Variants in SYNPO observed in about 807,000 individuals in gnomAD.
SYNPO encodes the protein synaptopodin.
SYNPO carries 19 observed loss-of-function variants against 49.5 expected under a neutral mutation model. The observed-to-expected ratio is 0.38, with a 90% CI of 0.27 to 0.56. SYNPO has a LOEUF of 0.56. Ranked by LOEUF, SYNPO falls within the 20% of genes least tolerant of loss-of-function variation. The probability of loss-of-function intolerance (pLI) is 0.68; values close to 1 mark genes in which losing one functional copy is unlikely to be tolerated. For synonymous variants in SYNPO, 536 were observed against 548.0 expected, an observed-to-expected ratio of 0.98 and a Z score of 0.31; for missense variants, 1,131 against 1,248.3, an observed-to-expected ratio of 0.91 and a Z score of 1.42.
chr5:150,618,547 G>C, exon 2 of SYNPO: 3 of 1,550,626 alleles, frequency 1.9e-6, no homozygotes, highest in Non-Finnish European at 2.6e-6. Context: ...AGGATGAGGG[G>C]GTCAGCAGGA....
upstream of SYNPO, among the ~76,000 whole-genome samples, chr5:150,639,787 TG>T (rs1452393990): frequency 6.6e-6 from 1 of 152,200 alleles, no homozygotes; most frequent in East Asian, 1.9e-4. Context: ...CAAGTGCCAA[TG>T]GAAGATGTGG....
chr5:150,641,488 A>C (rs1757905186), intron 1 of SYNPO, among the ~76,000 whole-genome samples: 2 of 152,058 alleles, frequency 1.3e-5, no homozygotes. Flanking sequence ...TCGTGTGAAG[A>C]AGCATTTCCT....
At chr5:150,643,175 C>T (rs1757969283) in intron 1 of SYNPO, among the ~76,000 whole-genome samples, 1 of 152,202 alleles carries the variant, frequency 6.6e-6, no homozygotes, top group South Asian at 2.1e-4. Flanking sequence ...GGGAACCGGC[C>T]AGCCAGGAGC....
In SYNPO at chr5:150,657,390, A is replaced by C. The variant is rs1581525808; in HGVS notation, c.*303A>C. On this transcript the variant is annotated 3_prime_UTR_variant, in exon 3 of 3. Transcript: ENST00000307662. The stretch of plus-strand genomic sequence containing the variant: ...AAAATTCCCCTTCCCATCAGTACAC[A>C]CACCGATGCACACACACTCTCTCTT... 4.6e-6 allele frequency: 2 copies of C among 437,470 alleles called. No individual in the cohort carries two copies. The highest frequency in any genetic ancestry group is 8.3e-6 in the Non-Finnish European group (2 of 240,032). 27.1% of individuals were successfully genotyped at this position (437,470 alleles called of 1,614,324 possible).
chr5:150,618,080 T>C (rs1203732059), intron 1 of SYNPO: 1 of 327,176 alleles, frequency 3.1e-6, no homozygotes, highest in Non-Finnish European at 5.6e-6. Flanking sequence ...CATGTGCTGT[T>C]TCTTTCTTCC....
At position 150,649,848 on chromosome 5, in the gene SYNPO, G is replaced by A. The variant is rs374090784; in HGVS notation, c.1573G>A (p.Ala525Thr). 27 of 1,608,388 alleles carry A rather than the reference G, an allele frequency of 1.7e-5. No individual in the cohort carries two copies. Among genetic ancestry groups the A allele is most frequent in the East Asian group, 8.9e-5 (4 of 44,870 alleles). Reference sequence around the variant, plus strand: ...TTCCTCCTGGAAATACCCCACTAACGCCCCCGGGGCCTTCCGAGTGGCATC... The same window carrying A: ...TTCCTCCTGGAAATACCCCACTAACACCCCCGGGGCCTTCCGAGTGGCATC... Reference protein sequence around the residue: ...LPSSWKYPTNAPGAFRVASRS... With the variant: ...LPSSWKYPTNTPGAFRVASRS... Residue 525 changes from alanine (A) to threonine (T), a missense_variant, in exon 2 of 3, where the codon GCC (alanine) becomes ACC (threonine). Ala to Thr is a moderately conservative substitution (Grantham distance 58). Coordinates refer to ENST00000307662, the MANE Select transcript of SYNPO (RefSeq NM_007286.6).
Position 150,656,733 on chromosome 5 carries a change from G to T in SYNPO, c.2358G>T (p.Pro786=). Residue 786 remains proline, a synonymous_variant, in exon 3 of 3, where the codon CCG becomes CCT. Transcript: ENST00000307662. ...AGAACCCGCGGCCCTTCTCCCCGCCGAGGGCGCCACCGCCCCCGCCCCCGC... is the reference window on the plus strand; with the variant it reads ...AGAACCCGCGGCCCTTCTCCCCGCCTAGGGCGCCACCGCCCCCGCCCCCGC... ...GAENPRPFSP[P]RAPPPPPPPP... The T allele has an allele frequency of 5.3e-6, 7 of 1,326,334 alleles. No individual in the cohort carries two copies. The highest frequency in any genetic ancestry group is 6.7e-6 in the Non-Finnish European group (7 of 1,040,382). 82.2% of individuals were successfully genotyped at this position (1,326,334 alleles called of 1,614,324 possible).
intron 2 of SYNPO, among the ~76,000 whole-genome samples, chr5:150,654,466 G>T (rs1256722377): frequency 6.6e-6 from 1 of 152,054 alleles, no homozygotes; most frequent in Non-Finnish European, 1.5e-5. Flanking sequence ...GTGTGGTAAT[G>T]CTAATTACCT....
At chr5:150,638,727 G>A (rs1757797973), upstream of SYNPO, among the ~76,000 whole-genome samples, 1 of 152,186 alleles carries the variant, frequency 6.6e-6, no homozygotes, top group South Asian at 2.1e-4. Context: ...CCTAGGCCCT[G>A]CCCTGACCCT....
Position 150,649,358 on chromosome 5 carries a change from C to T in SYNPO, c.1083C>T (p.Ala361=), listed in dbSNP as rs757190676. 24 of 1,614,212 alleles carry T rather than the reference C, an allele frequency of 1.5e-5. No homozygotes were observed. In the South Asian group the frequency reaches 2.6e-4, roughly 18 times the overall value. Residue 361 remains alanine, a synonymous_variant, in exon 2 of 3, where the codon GCC becomes GCT. Coordinates refer to ENST00000307662, the MANE Select transcript of SYNPO (RefSeq NM_007286.6). ...SSHLKGQAVP[A]SKTGILEESM... is the part of the protein sequence containing the mutation. ...ATCTGAAGGGCCAGGCGGTTCCTGC[C>T]AGCAAGACGGGCATTCTGGAGGAGT...
chr5:150,630,984 G>C (rs544527441), intron 2 of SYNPO, among the ~76,000 whole-genome samples: 28 of 152,346 alleles, frequency 1.8e-4, no homozygotes, highest in Non-Finnish European at 2.9e-4. Context: ...GTGACCTGCA[G>C]TGGCCACTCA....
the SYNPO span, among the ~76,000 whole-genome samples, chr5:150,590,162 G>A: frequency 6.6e-6 from 1 of 152,242 alleles, no homozygotes; most frequent in African/African-American, 2.4e-5. Context: ...CAGCCGCACA[G>A]GCTCTTTGAT....
chr5:150,596,535 C>T (rs1164121086), upstream of SYNPO, among the ~76,000 whole-genome samples: 1 of 152,128 alleles, frequency 6.6e-6, no homozygotes, highest in Non-Finnish European at 1.5e-5. Context: ...AGGAAGTCCA[C>T]CCCGCCCTCC....
intron 2 of SYNPO, chr5:150,651,596 G>C: frequency 1.1e-6 from 1 of 915,848 alleles, no homozygotes; most frequent in Non-Finnish European, 1.3e-6. Flanking sequence ...CCTGGGCTGG[G>C]CTGGGCTGGG....
At chr5:150,652,199 G>C (rs1177321905) in intron 2 of SYNPO, 1 of 1,000,996 alleles carries the variant, frequency 1.0e-6, no homozygotes, top group Admixed American at 6.1e-5. Flanking sequence ...TGAAGCCCCT[G>C]CCCTGGACCC....
At chr5:150,590,331 C>T in the SYNPO span, among the ~76,000 whole-genome samples, 2 of 152,168 alleles carry the variant, frequency 1.3e-5, no homozygotes, top group Non-Finnish European at 2.9e-5. Flanking sequence ...AGAGAGGGAC[C>T]GCCACAGCCA....
intron 1 of SYNPO, among the ~76,000 whole-genome samples, chr5:150,609,231 T>C (rs1756776937): frequency 6.6e-6 from 1 of 152,234 alleles, no homozygotes; most frequent in African/African-American, 2.4e-5. Context: ...GCTGGGCCAC[T>C]TGGCATGGAG....
intron 1 of SYNPO, among the ~76,000 whole-genome samples, chr5:150,612,948 T>G (rs766741527): frequency 1.3e-5 from 2 of 152,028 alleles, no homozygotes; most frequent in African/African-American, 4.8e-5. Context: ...CTGGCTAATA[T>G]TTAATGTTTT....
rs777879908 is a variant in SYNPO, at chr5:150,657,063, C to T, written c.2688C>T (p.Pro896=). ...TTCGGCTCAAGCGTGGCAGCCTCCC[C>T]GCCGAGGCCTCCTGCACCACCTAGA... The part of the protein sequence containing the change: ...GSLRLKRGSL[P]AEASCTT Residue 896 remains proline, a synonymous_variant, in exon 3 of 3, where the codon CCC becomes CCT. Coordinates refer to ENST00000307662, the MANE Select transcript of SYNPO (RefSeq NM_007286.6). The T allele has an allele frequency of 4.4e-6, 7 of 1,594,622 alleles. No homozygotes were observed. The South Asian group carries it at 7.9e-5, about 18-fold the overall frequency.
Sources: gnomAD v4.1 joint callset for allele counts (sites outside exome capture counted in the v4.1 genomes callset) on GRCh38, gnomAD v4.1.1 for gene constraint, MANE v1.5 for transcripts, NCBI Gene and HGNC (gene_info 2026-07-23, HGNC 2026-07-21) for gene names.